Variants in CHRM3 observed in about 807,000 individuals in gnomAD.
CHRM3 encodes the protein cholinergic receptor muscarinic 3, also known as muscarinic acetylcholine receptor M3.
CHRM3 carries 11 observed loss-of-function variants against 41.8 expected under a neutral mutation model. That is an observed-to-expected ratio of 0.26 (90% CI 0.17 to 0.44). The LOEUF (loss-of-function observed/expected upper bound fraction) is 0.44. Among genes scored for constraint, CHRM3 ranks in the 20% least tolerant of loss-of-function variants. The pLI is 1.00. For synonymous variants in CHRM3, 297 were observed against 301.4 expected, an observed-to-expected ratio of 0.99 and a Z score of 0.15; for missense variants, 571 against 745.4, an observed-to-expected ratio of 0.77 and a Z score of 2.72.
intron 6 of CHRM3, among the ~76,000 whole-genome samples, chr1:239,882,809 G>T (rs1242819287): frequency 2.0e-5 from 3 of 152,236 alleles, no homozygotes; most frequent in Admixed American, 6.5e-5. Context: ...CTGCTAGAAA[G>T]CAGAGTCTCT....
intron 1 of CHRM3, among the ~76,000 whole-genome samples, chr1:239,405,205 CTGTT>C (rs1222279020): frequency 2.0e-5 from 3 of 152,244 alleles, no homozygotes; most frequent in East Asian, 1.9e-4. Flanking sequence ...AATAATCACT[CTGTT>C]TGTCAGAAGT....
chr1:239,404,434 G>GAA (rs751554178), intron 1 of CHRM3, among the ~76,000 whole-genome samples: 2 of 116,268 alleles, frequency 1.7e-5, no homozygotes. Context: ...AAGAAAGAAA[G>GAA]AAAGAAAGAA....
chr1:239,779,768 A>C (rs757458151), intron 5 of CHRM3, among the ~76,000 whole-genome samples: 19 of 152,102 alleles, frequency 1.2e-4, no homozygotes, highest in Non-Finnish European at 2.2e-4. Flanking sequence ...TCACCTAAAA[A>C]TCCTCTGTGC....
At chr1:239,750,251 G>T (rs572089576) in intron 5 of CHRM3, among the ~76,000 whole-genome samples, 1 of 152,300 alleles carries the variant, frequency 6.6e-6, no homozygotes, top group Non-Finnish European at 1.5e-5. Flanking sequence ...ATGGAAAAAT[G>T]ATGAATGGAG....
At chr1:239,507,112 T>C (rs1278036069) in intron 2 of CHRM3, among the ~76,000 whole-genome samples, 2 of 152,138 alleles carry the variant, frequency 1.3e-5, no homozygotes, top group Non-Finnish European at 2.9e-5. Flanking sequence ...CTGTGGACTT[T>C]TGAGTTAATG....
intron 2 of CHRM3, among the ~76,000 whole-genome samples, chr1:239,494,918 A>C (rs1667786328): frequency 6.6e-6 from 1 of 151,990 alleles, no homozygotes; most frequent in Non-Finnish European, 1.5e-5. Flanking sequence ...TGGTGTATAT[A>C]CTTCATCTCT....
chr1:239,393,217 A>G (rs1002761103), intron 1 of CHRM3, among the ~76,000 whole-genome samples: 2 of 152,156 alleles, frequency 1.3e-5, no homozygotes, highest in African/African-American at 4.8e-5. Context: ...AATATTAAAT[A>G]TTGTTGGGTT....
At chr1:239,762,054 A>G (rs544297545) in intron 5 of CHRM3, among the ~76,000 whole-genome samples, 2 of 152,254 alleles carry the variant, frequency 1.3e-5, no homozygotes, top group South Asian at 4.1e-4. Flanking sequence ...GATCACTGTC[A>G]TGCATTGCCT....
chr1:239,768,248 A>G lies in CHRM3; in HGVS notation c.-146-59004A>G, dbSNP rs972082676. Among the ~76,000 whole-genome samples the G allele has an allele frequency of 2.6e-5, 4 of 152,286 alleles. No homozygotes were observed. In the South Asian group the frequency reaches 8.3e-4, roughly 32 times the overall value. ...ACGTAAATTCTTTCTCCTAAAGCAT[A>G]TCTTAGGATTAGCGTTCACTTCAGA... On this transcript the variant is annotated intron_variant, in intron 5 of 6. Coordinates refer to ENST00000676153, the MANE Select transcript of CHRM3 (RefSeq NM_001375978.1).
In CHRM3 at chr1:239,898,588, T is replaced by A. The variant is rs951707057; in HGVS notation, c.-19-8845T>A. On this transcript the variant is annotated intron_variant, in intron 6 of 6. Transcript: ENST00000676153. Reference sequence around the variant, plus strand: ...TTTCCCATATCATCACTTAAAAAAATAATTATTATTATAGACGTAGAATTA... The same window carrying A: ...TTTCCCATATCATCACTTAAAAAAAAAATTATTATTATAGACGTAGAATTA... 3.9e-5 allele frequency among the ~76,000 whole-genome samples: 6 copies of A among 152,306 alleles called. 1 individual carries two copies. The highest frequency in any genetic ancestry group is 1.4e-4 in the African/African-American group (6 of 41,564).
chr1:239,882,654 A>G (rs558384747), intron 6 of CHRM3, among the ~76,000 whole-genome samples: 20 of 152,322 alleles, frequency 1.3e-4, no homozygotes, highest in Admixed American at 2.6e-4. Context: ...ATGCATTAAG[A>G]AGGGAAATCT....
intron 3 of CHRM3, among the ~76,000 whole-genome samples, chr1:239,628,295 C>A (rs927499639): frequency 6.2e-5 from 3 of 48,178 alleles, no homozygotes; most frequent in Non-Finnish European, 1.0e-4. Context: ...TTGATCGCAT[C>A]GGCTCCTGAG....
chr1:239,575,281 A>G (rs945337518), intron 3 of CHRM3, among the ~76,000 whole-genome samples: 30 of 152,188 alleles, frequency 2.0e-4, no homozygotes, highest in African/African-American at 5.5e-4. Flanking sequence ...AAGATAGGAC[A>G]GGAAGTGGGA....
At chr1:239,682,782 G>A (rs1228291351) in intron 5 of CHRM3, among the ~76,000 whole-genome samples, 1 of 152,050 alleles carries the variant, frequency 6.6e-6, no homozygotes, top group Non-Finnish European at 1.5e-5. Context: ...ATATATGTTT[G>A]TTAATGTCTA....
At chr1:239,809,310 G>A (rs935078860) in intron 5 of CHRM3, among the ~76,000 whole-genome samples, 5 of 150,938 alleles carry the variant, frequency 3.3e-5, no homozygotes, top group Admixed American at 1.3e-4. Flanking sequence ...GTGAGCCACC[G>A]CACCCGGCCT....
chr1:239,504,696 T>C (rs116531154), intron 2 of CHRM3, among the ~76,000 whole-genome samples: 1,957 of 152,168 alleles, frequency 0.013, 34 homozygotes, highest in South Asian at 0.038. Context: ...TATAAAGAAA[T>C]TATGGTATAT....
intron 1 of CHRM3, among the ~76,000 whole-genome samples, chr1:239,453,944 A>G (rs1236687907): frequency 6.6e-6 from 1 of 152,180 alleles, no homozygotes; most frequent in Non-Finnish European, 1.5e-5. Context: ...GTTAGGAGAA[A>G]GTCTTAGCCA....
intron 1 of CHRM3, among the ~76,000 whole-genome samples, chr1:239,439,386 G>A (rs1366951806): frequency 6.6e-6 from 1 of 152,062 alleles, no homozygotes; most frequent in East Asian, 1.9e-4. Flanking sequence ...GCAATTGGGG[G>A]GAAATAAGTA....
intron 5 of CHRM3, among the ~76,000 whole-genome samples, chr1:239,725,018 C>T (rs550779365): frequency 4.1e-4 from 62 of 151,962 alleles, no homozygotes; most frequent in South Asian, 1.0e-3. Context: ...TGTGTGCACT[C>T]TCAGCTGTGT....
Sources: allele counts gnomAD v4.1 joint callset (sites outside exome capture counted in the v4.1 genomes callset), GRCh38; gene constraint gnomAD v4.1.1; transcripts MANE v1.5; gene names NCBI Gene and HGNC (gene_info 2026-07-23, HGNC 2026-07-21).